The following GCH1 variants were observed in gnomAD, a reference collection of about 807,000 sequenced individuals.
The protein encoded by GCH1 is GTP cyclohydrolase 1, also known as GTP cyclohydrolase I.
In GCH1, 5 loss-of-function variants were observed where a neutral mutation model predicts 25.9. The ratio of observed to expected loss-of-function variants is 0.19; its 90% confidence interval spans 0.10 to 0.41. GCH1 has a LOEUF of 0.41. Among genes scored for constraint, GCH1 ranks in the 10% least tolerant of loss-of-function variants. GCH1 has a pLI of 1.00. For synonymous variants in GCH1, 159 were observed against 129.6 expected (o/e 1.23, Z -1.54); for missense variants, 261 against 336.5 (o/e 0.78, Z 1.75).
At chr14:54,867,744 G>C (rs928755773) in intron 1 of GCH1, among the ~76,000 whole-genome samples, 5 of 152,080 alleles carry the variant, frequency 3.3e-5, no homozygotes, top group African/African-American at 1.2e-4. Flanking sequence ...GGGCACATGT[G>C]TTTAGAACTA....
At chr14:54,885,949 A>G in intron 1 of GCH1, 1 of 235,744 alleles carries the variant, frequency 4.2e-6, no homozygotes, top group East Asian at 1.4e-4. Context: ...TTCACACAAC[A>G]GCCCAGACAG....
chr14:54,881,134 A>AT (rs1169396747), intron 1 of GCH1, among the ~76,000 whole-genome samples: 1 of 151,818 alleles, frequency 6.6e-6, no homozygotes, highest in Non-Finnish European at 1.5e-5. Flanking sequence ...CAATAAAAAT[A>AT]TTTTTTTAAA....
intron 3 of GCH1, chr14:54,859,477 T>TG: frequency 1.7e-6 from 1 of 591,278 alleles, no homozygotes; most frequent in Non-Finnish European, 3.0e-6. Flanking sequence ...GAAGAAAGGG[T>TG]GGGAAGTGGA....
intron 1 of GCH1, among the ~76,000 whole-genome samples, chr14:54,869,637 C>T (rs891563959): frequency 3.9e-5 from 6 of 152,260 alleles, no homozygotes; most frequent in East Asian, 1.9e-4. Flanking sequence ...CATACCACCA[C>T]GCCCAGCTAA....
At chr14:54,894,899 A>C (rs1197034151) in intron 1 of GCH1, among the ~76,000 whole-genome samples, 1 of 152,228 alleles carries the variant, frequency 6.6e-6, no homozygotes, top group African/African-American at 2.4e-5. Flanking sequence ...AGTACCTTTT[A>C]ATGATGAGAA....
intron 3 of GCH1, among the ~76,000 whole-genome samples, chr14:54,858,532 C>T (rs564962282): frequency 4.3e-4 from 66 of 152,140 alleles, no homozygotes; most frequent in Non-Finnish European, 1.3e-4. Flanking sequence ...GTGATCCGCC[C>T]GCCTCAGCCT....
chr14:54,854,066 C>T (rs1024821610), intron 3 of GCH1, among the ~76,000 whole-genome samples: 1 of 152,204 alleles, frequency 6.6e-6, no homozygotes, highest in Non-Finnish European at 1.5e-5. Context: ...AGTTACATAT[C>T]GTCTCATTCC....
chr14:54,896,124 A>C (rs2040480282), intron 1 of GCH1, among the ~76,000 whole-genome samples: 1 of 152,256 alleles, frequency 6.6e-6, no homozygotes, highest in South Asian at 2.1e-4. Context: ...ACTTAAGTCA[A>C]CATTACTAAC....
chr14:54,886,739 T>C (rs2140108222), intron 1 of GCH1, among the ~76,000 whole-genome samples: 1 of 152,104 alleles, frequency 6.6e-6, no homozygotes, highest in Non-Finnish European at 1.5e-5. Flanking sequence ...GAGAGCTAGA[T>C]TTTGACCCAT....
At chr14:54,859,031 T>C (rs2039856010) in intron 3 of GCH1, among the ~76,000 whole-genome samples, 1 of 152,218 alleles carries the variant, frequency 6.6e-6, no homozygotes, top group Non-Finnish European at 1.5e-5. Context: ...GCGTGAACAC[T>C]GTATCAGAAT....
intron 1 of GCH1, among the ~76,000 whole-genome samples, chr14:54,883,240 C>T (rs1236037537): frequency 1.3e-5 from 2 of 151,506 alleles, no homozygotes; most frequent in Non-Finnish European, 2.9e-5. Context: ...GGCACGGTGG[C>T]GCGTGCCTGT....
In GCH1 at chr14:54,902,353, A is replaced by T. The variant is rs2040579995; in HGVS notation, c.311T>A (p.Phe104Tyr). 1 of 1,612,908 alleles carries T rather than the reference A, an allele frequency of 6.2e-7. No homozygotes were observed. The highest frequency in any genetic ancestry group is 8.5e-7 in the Non-Finnish European group (1 of 1,179,788). ...GGTCTCCTGGTAGCCCTTGGTGAAG[A>T]ACTGCATGGCCGAGGCCGCCCTCCA... The part of the protein sequence containing the change: ...TPWRAASAMQ[F>Y]FTKGYQETIS... Residue 104 changes from phenylalanine (F) to tyrosine (Y), a missense_variant, in exon 1 of 6, where the codon TTC (phenylalanine) becomes TAC (tyrosine). Phe to Tyr is a conservative substitution (Grantham distance 22). Around this residue, in one of 3 missense-constraint regions of GCH1, gnomAD observed 6 missense variants for 23.7 expected, o/e 0.25. Transcript: ENST00000491895.
At chr14:54,888,516 GT>G (rs371734881) in intron 1 of GCH1, among the ~76,000 whole-genome samples, 2,316 of 136,792 alleles carry the variant, frequency 0.017, 32 homozygotes, top group South Asian at 0.053. Context: ...TGACATACTA[GT>G]TTTTTTTTTT....
Position 54,843,645 on chromosome 14 carries a change from G to C in GCH1, c.*372C>G. On this transcript the variant is annotated 3_prime_UTR_variant, in exon 6 of 6. Transcript: ENST00000491895. ...GGAGGAAGAAAAAAAACAGTATACT[G>C]GGCACAGTTCCCTCTCATTCCCAAT... is the stretch of plus-strand genomic sequence containing the variant. 1 of 1,542,802 alleles carries C rather than the reference G, an allele frequency of 6.5e-7. No individual in the cohort carries two copies. The highest frequency in any genetic ancestry group is 1.4e-5 in the African/African-American group (1 of 72,088).
At chr14:54,865,471 A>G (rs370678775) in intron 1 of GCH1, 35 bp from the exon 2 acceptor site, 13 of 977,578 alleles carry the variant, frequency 1.3e-5, no homozygotes, top group African/African-American at 4.8e-5. Context: ...AACATGTCCA[A>G]TTTTATAGAA....
intron 1 of GCH1, among the ~76,000 whole-genome samples, chr14:54,901,750 A>G (rs1247638001): frequency 6.6e-6 from 1 of 152,024 alleles, no homozygotes; most frequent in Non-Finnish European, 1.5e-5. Context: ...CCTGAACTGG[A>G]GTAAACTTGA....
chr14:54,870,770 T>A (rs2040061833), intron 1 of GCH1, among the ~76,000 whole-genome samples: 1 of 152,114 alleles, frequency 6.6e-6, no homozygotes, highest in African/African-American at 2.4e-5. Flanking sequence ...CAGTCTGAGA[T>A]CAAACTGCAA....
intron 1 of GCH1, among the ~76,000 whole-genome samples, chr14:54,900,135 G>A (rs1010704314): frequency 2.6e-5 from 4 of 151,816 alleles, no homozygotes; most frequent in Non-Finnish European, 5.9e-5. Context: ...AAAGTGCTGG[G>A]ATTACAGGTG....
chr14:54,877,324 T>G (rs1262679575), intron 1 of GCH1, among the ~76,000 whole-genome samples: 1 of 152,114 alleles, frequency 6.6e-6, no homozygotes, highest in Non-Finnish European at 1.5e-5. Context: ...AGTTAAAGGT[T>G]TGTCTACAAC....
Sources: gnomAD v4.1 joint callset for allele counts (sites outside exome capture counted in the v4.1 genomes callset) on GRCh38, gnomAD v4.1.1 for gene constraint, gnomAD v4.1.1 regional missense constraint, MANE v1.5 for transcripts, NCBI Gene and HGNC (gene_info 2026-07-23, HGNC 2026-07-21) for gene names.